Variants in HDAC9 observed in about 807,000 individuals in gnomAD.
HDAC9 encodes the protein MEF-2 interacting transcription repressor (MITR) protein.
In HDAC9, 41 loss-of-function variants were observed where a neutral mutation model predicts 139.4. That is an observed-to-expected ratio of 0.29 (90% confidence interval 0.23 to 0.38). HDAC9 has a LOEUF of 0.38. HDAC9 is among the 10% of genes least tolerant of loss of function. The pLI, the probability that HDAC9 is intolerant of heterozygous loss-of-function variation, is 1.00. For synonymous variants in HDAC9, 517 were observed against 476.2 expected (o/e 1.09, Z -1.12); for missense variants, 1,147 against 1,297.0 (o/e 0.88, Z 1.78).
intron 1 of HDAC9, among the ~76,000 whole-genome samples, chr7:18,398,818 A>G (rs531451837): frequency 1.2e-4 from 18 of 152,328 alleles, no homozygotes; most frequent in South Asian, 4.1e-4. Flanking sequence ...AAACATGTTT[A>G]TAATGGAAAA....
At chr7:18,756,896 A>G (rs1019291175) in intron 14 of HDAC9, among the ~76,000 whole-genome samples, 7 of 151,726 alleles carry the variant, frequency 4.6e-5, no homozygotes, top group African/African-American at 1.5e-4. Flanking sequence ...TTTTTATGAG[A>G]AAAACTCTGA....
chr7:18,682,945 C>T (rs1385646278), intron 12 of HDAC9, among the ~76,000 whole-genome samples: 1 of 151,966 alleles, frequency 6.6e-6, no homozygotes, highest in African/African-American at 2.4e-5. Context: ...CATACCATTA[C>T]ACTCCAGCCT....
chr7:18,979,102 C>T (rs890477967), intron 25 of HDAC9, among the ~76,000 whole-genome samples: 1 of 152,114 alleles, frequency 6.6e-6, no homozygotes, highest in Non-Finnish European at 1.5e-5. Flanking sequence ...CAACCTTTCT[C>T]ATGAACGTGA....
chr7:18,781,248 G>T (rs1791224000), intron 16 of HDAC9, among the ~76,000 whole-genome samples: 1 of 151,954 alleles, frequency 6.6e-6, no homozygotes, highest in South Asian at 2.1e-4. Context: ...ATTGGGCTTA[G>T]GACTTCAATA....
intron 21 of HDAC9, among the ~76,000 whole-genome samples, chr7:18,861,810 CTAAT>C (rs1798131619): frequency 6.6e-6 from 1 of 152,240 alleles, no homozygotes; most frequent in South Asian, 2.1e-4. Flanking sequence ...ATTTGAAACT[CTAAT>C]TAAAAGAATA....
intron 1 of HDAC9, among the ~76,000 whole-genome samples, chr7:18,327,089 A>G (rs1800505230): frequency 6.6e-6 from 1 of 151,872 alleles, no homozygotes. Flanking sequence ...ATGAATACTT[A>G]CATTGATTTT....
At chr7:18,192,588 G>C (rs953860872) in intron 2 of HDAC9, among the ~76,000 whole-genome samples, 1 of 152,056 alleles carries the variant, frequency 6.6e-6, no homozygotes, top group Non-Finnish European at 1.5e-5. Context: ...TTTGCTTTTG[G>C]AAATGTCATT....
chr7:18,637,977 T>A (rs908566658), intron 8 of HDAC9, among the ~76,000 whole-genome samples: 2 of 152,126 alleles, frequency 1.3e-5, no homozygotes, highest in Non-Finnish European at 1.5e-5. Flanking sequence ...TTTAGGATGA[T>A]TTTTACAGAT....
rs970533668 is a variant in HDAC9 at position 18,215,216 on chromosome 7, T to C, written c.25+52867T>C. ...CACAGAGTTGTACGCAAGATCTAGA[T>C]TTGAATATGAAATCTGATACCTCCG... On this transcript the variant is annotated intron_variant, in intron 2 of 12. Coordinates refer to the HDAC9 transcript ENST00000417496. Among the ~76,000 whole-genome samples, 4 of 152,138 alleles carry C rather than the reference T, an allele frequency of 2.6e-5. No homozygotes were observed. The East Asian group carries it at 7.7e-4, about 29-fold the overall frequency.
intron 16 of HDAC9, among the ~76,000 whole-genome samples, chr7:18,785,726 A>T (rs1562939939): frequency 6.6e-6 from 1 of 152,076 alleles, no homozygotes; most frequent in Non-Finnish European, 1.5e-5. Flanking sequence ...TATTTATTTT[A>T]CTTTTTGGAT....
At chr7:18,791,720 T>C (rs1227180299) in intron 16 of HDAC9, among the ~76,000 whole-genome samples, 1 of 152,164 alleles carries the variant, frequency 6.6e-6, no homozygotes, top group Non-Finnish European at 1.5e-5. Flanking sequence ...AGTCCCGTGG[T>C]CTTCAGAACA....
At chr7:18,385,962 C>T (rs1194955816) in intron 1 of HDAC9, among the ~76,000 whole-genome samples, 1 of 151,836 alleles carries the variant, frequency 6.6e-6, no homozygotes, top group East Asian at 1.9e-4. Context: ...ACCTTTCAAG[C>T]TGCTTTTAAT....
chr7:18,363,797 A>G (rs1041379509), intron 1 of HDAC9, among the ~76,000 whole-genome samples: 9 of 152,144 alleles, frequency 5.9e-5, no homozygotes, highest in Admixed American at 3.3e-4. Flanking sequence ...TTGATCTTCA[A>G]TCTCAATTTT....
At chr7:18,793,012 A>G (rs1458102293) in intron 16 of HDAC9, 1 of 236,452 alleles carries the variant, frequency 4.2e-6, no homozygotes, top group African/African-American at 2.2e-5. Context: ...CAGGCCTGTA[A>G]CTAAGCCAGA....
chr7:18,242,432 A>G (rs1584801519), intron 2 of HDAC9, among the ~76,000 whole-genome samples: 1 of 152,350 alleles, frequency 6.6e-6, no homozygotes, highest in South Asian at 2.1e-4. Context: ...AGCTAGGCAT[A>G]TAGAGTTGAA....
intron 22 of HDAC9, among the ~76,000 whole-genome samples, chr7:18,917,669 T>C (rs536881370): frequency 1.3e-5 from 2 of 152,162 alleles, no homozygotes; most frequent in Non-Finnish European, 2.9e-5. Flanking sequence ...TGTCCTTTCA[T>C]TGGACAAAGT....
At chr7:18,361,291 A>T (rs1161041120) in intron 1 of HDAC9, among the ~76,000 whole-genome samples, 3 of 152,204 alleles carry the variant, frequency 2.0e-5, no homozygotes, top group Admixed American at 2.0e-4. Context: ...CTCATTAAAA[A>T]TCTCAAACAA....
intron 1 of HDAC9, among the ~76,000 whole-genome samples, chr7:18,380,943 A>C (rs1165497731): frequency 6.6e-6 from 1 of 152,060 alleles, no homozygotes; most frequent in East Asian, 1.9e-4. Flanking sequence ...TAATCCCAGC[A>C]CTTTGGCACT....
At chr7:18,954,125 T>G in intron 23 of HDAC9, 21 bp from the exon 24 acceptor site, 1 of 1,500,880 alleles carries the variant, frequency 6.7e-7, no homozygotes, top group South Asian at 1.2e-5. Flanking sequence ...CTGCTCATAC[T>G]ATTATCTACT....
Sources: allele counts gnomAD v4.1 joint callset (sites outside exome capture counted in the v4.1 genomes callset), GRCh38; gene constraint gnomAD v4.1.1; transcripts MANE v1.5; gene names NCBI Gene and HGNC (gene_info 2026-07-23, HGNC 2026-07-21).